The following LAP3 variants were observed in gnomAD, a reference collection of about 807,000 sequenced individuals.
The protein encoded by LAP3 is leucine aminopeptidase 3, also known as cytosol aminopeptidase.
LAP3 carries 46 observed loss-of-function variants against 58.8 expected under a neutral mutation model. The observed-to-expected ratio is 0.78, with a 90% confidence interval of 0.62 to 1.00. LAP3 has a LOEUF of 1.00. Ranked by LOEUF, LAP3 falls within the 50% of genes least tolerant of loss-of-function variation. LAP3 has a pLI of 0.00. For synonymous variants in LAP3, 257 were observed against 237.7 expected (o/e 1.08, Z -0.75); for missense variants, 615 against 659.1 (o/e 0.93, Z 0.73).
At position 17,600,141 on chromosome 4, in the gene LAP3, T is replaced by A. The variant is rs1007300458; in HGVS notation, c.1180+1583T>A. The stretch of plus-strand genomic sequence containing the variant: ...TGACTCTACCCCTTTTTAAAAAAAA[T>A]TAATTTCTGAATCTTAAAGTCAGAC... On this transcript the variant is annotated intron_variant, in intron 10 of 12. Coordinates refer to ENST00000226299, the MANE Select transcript of LAP3 (RefSeq NM_015907.3). Among the ~76,000 whole-genome samples, 20 of 152,328 alleles carry A rather than the reference T, an allele frequency of 1.3e-4. 1 individual carries two copies. The highest frequency in any genetic ancestry group is 4.3e-4 in the African/African-American group (18 of 41,566).
chr4:17,585,934 C>G (rs1010900869), intron 6 of LAP3: 1 of 152,152 alleles, frequency 6.6e-6, no homozygotes, highest in African/African-American at 2.4e-5. Flanking sequence ...AATCGTAGTT[C>G]TGTTTAACTT....
intron 7 of LAP3, among the ~76,000 whole-genome samples, chr4:17,591,003 A>G (rs1490822736): frequency 6.7e-6 from 1 of 148,440 alleles, no homozygotes; most frequent in Non-Finnish European, 1.5e-5. Flanking sequence ...TTCTGAGCTC[A>G]AGCAATCTGC....
chr4:17,590,514 A>G (rs1202139460), intron 7 of LAP3, among the ~76,000 whole-genome samples: 1 of 152,204 alleles, frequency 6.6e-6, no homozygotes, highest in Admixed American at 6.5e-5. Context: ...CTTTGAAAAT[A>G]TGCATGCTTT....
chr4:17,579,010 G>T (rs1016814471), intron 1 of LAP3, among the ~76,000 whole-genome samples: 20 of 152,178 alleles, frequency 1.3e-4, no homozygotes, highest in Non-Finnish European at 5.9e-5. Flanking sequence ...ACTGACATAA[G>T]ATGTATTAAC....
chr4:17,589,456 CAG>C (rs1713621195), intron 7 of LAP3, among the ~76,000 whole-genome samples: 1 of 152,108 alleles, frequency 6.6e-6, no homozygotes, highest in African/African-American at 2.4e-5. Context: ...TAGAATATGT[CAG>C]AGACTATCAG....
chr4:17,599,429 G>T (rs1210647873), intron 10 of LAP3, among the ~76,000 whole-genome samples: 1 of 152,170 alleles, frequency 6.6e-6, no homozygotes, highest in African/African-American at 2.4e-5. Flanking sequence ...CCAGCTACTC[G>T]GGAGGCTGAG....
intron 8 of LAP3, among the ~76,000 whole-genome samples, chr4:17,596,467 G>C (rs1016680500): frequency 6.6e-6 from 1 of 152,230 alleles, no homozygotes; most frequent in Non-Finnish European, 1.5e-5. Flanking sequence ...AGCCTCTTGA[G>C]TAGCTGGGAT....
intron 1 of LAP3, among the ~76,000 whole-genome samples, chr4:17,578,404 C>G (rs1208473080): frequency 6.6e-6 from 1 of 152,134 alleles, no homozygotes; most frequent in African/African-American, 2.4e-5. Context: ...GAAGTTAGAA[C>G]CTGGCAGAGT....
chr4:17,590,433 C>G (rs1201563403), intron 7 of LAP3, among the ~76,000 whole-genome samples: 1 of 152,142 alleles, frequency 6.6e-6, no homozygotes, highest in Non-Finnish European at 1.5e-5. Flanking sequence ...TTCACATTTT[C>G]TCCTTTAAAG....
chr4:17,595,081 G>A (rs909182696), intron 7 of LAP3, among the ~76,000 whole-genome samples: 5 of 151,336 alleles, frequency 3.3e-5, no homozygotes, highest in Admixed American at 6.6e-5. Context: ...GGCGGATCAC[G>A]AGGTCAGGAG....
chr4:17,607,341 G>A (rs1484575953), intron 12 of LAP3, 59 bp from the exon 13 acceptor site: 5 of 1,480,694 alleles, frequency 3.4e-6, no homozygotes, highest in Non-Finnish European at 4.6e-6. Flanking sequence ...TAGCAAAAAT[G>A]TGGGATCTCA....
At chr4:17,604,521 C>G (rs1237631581) in intron 10 of LAP3, 67 bp from the exon 11 acceptor site, 1 of 1,090,924 alleles carries the variant, frequency 9.2e-7, no homozygotes, top group South Asian at 1.3e-5. Flanking sequence ...AGGTTTCCAT[C>G]TGGGTGGCGG....
chr4:17,590,425 C>T (rs1713655500), intron 7 of LAP3, among the ~76,000 whole-genome samples: 1 of 152,124 alleles, frequency 6.6e-6, no homozygotes, highest in African/African-American at 2.4e-5. Flanking sequence ...CCCACTAGTT[C>T]ACATTTTCTC....
In LAP3 at chr4:17,597,140, T is replaced by C. The variant is rs190731836; in HGVS notation, c.1077+6T>C. 1,211 of 1,612,778 alleles carry C rather than the reference T, an allele frequency of 7.5e-4. 1 individual carries two copies. The highest frequency in any genetic ancestry group is 5.7e-4 in the Non-Finnish European group (676 of 1,178,746). On this transcript the variant is annotated splice_donor_region_variant and intron_variant, in intron 9 of 12. Coordinates refer to ENST00000226299, the MANE Select transcript of LAP3 (RefSeq NM_015907.3). ...AAAACGGGAAGACCATCCAGGTTTG[T>C]AAATGTGAGACACAGCACTCCCCAT...
chr4:17,581,651 A>G (rs1188455305), intron 2 of LAP3, 109 bp from the exon 3 acceptor site: 5 of 739,262 alleles, frequency 6.8e-6, no homozygotes, highest in African/African-American at 5.3e-5. Flanking sequence ...GAAAAAGACC[A>G]TGGAAGCAGT....
chr4:17,603,696 T>C (rs1714035525), intron 10 of LAP3, among the ~76,000 whole-genome samples: 1 of 151,704 alleles, frequency 6.6e-6, no homozygotes, highest in African/African-American at 2.4e-5. Flanking sequence ...GTATTTTTAG[T>C]AGAGACAGGG....
At chr4:17,606,362 C>T (rs545329840) in intron 11 of LAP3, among the ~76,000 whole-genome samples, 8 of 152,174 alleles carry the variant, frequency 5.3e-5, no homozygotes, top group East Asian at 1.9e-4. Flanking sequence ...ATTTTTGAGA[C>T]GGAGCCTCGC....
At chr4:17,590,125 G>A (rs1447350613) in intron 7 of LAP3, among the ~76,000 whole-genome samples, 5 of 152,160 alleles carry the variant, frequency 3.3e-5, no homozygotes, top group Non-Finnish European at 7.4e-5. Context: ...AGAAACCCAT[G>A]AGGGGTTTCA....
chr4:17,581,862 T>C (rs756425630), intron 3 of LAP3, 48 bp downstream of exon 3: 1 of 1,431,428 alleles, frequency 7.0e-7, no homozygotes, highest in South Asian at 1.2e-5. Context: ...GAGCATCTAC[T>C]GTACACCAAG....
Sources: allele counts gnomAD v4.1 joint callset (sites outside exome capture counted in the v4.1 genomes callset), GRCh38; gene constraint gnomAD v4.1.1; transcripts MANE v1.5; gene names NCBI Gene and HGNC (gene_info 2026-07-23, HGNC 2026-07-21).